Variants in CYRIB observed in about 807,000 individuals in gnomAD.
CYRIB encodes the protein CYFIP related Rac1 interactor B.
A neutral mutation model predicts 44.2 loss-of-function variants in CYRIB; 8 were observed. That is an observed-to-expected ratio of 0.18 (90% CI 0.11 to 0.33). The LOEUF is 0.33. Among genes scored for constraint, CYRIB ranks in the 10% least tolerant of loss-of-function variants. The probability of loss-of-function intolerance (pLI) is 1.00; values close to 1 mark genes in which losing one functional copy is unlikely to be tolerated. For missense variants in CYRIB, 185 were observed against 382.8 expected (o/e 0.48, Z 4.31); for synonymous variants, 131 against 127.2 (o/e 1.03, Z -0.20).
chr8:129,964,659 G>A (rs893020932), intron 2 of CYRIB, among the ~76,000 whole-genome samples: 1 of 152,134 alleles, frequency 6.6e-6, no homozygotes, highest in African/African-American at 2.4e-5. Context: ...CAAGTCAGGA[G>A]GATCACTTGA....
chr8:129,967,863 G>A (rs1288542447), intron 2 of CYRIB, among the ~76,000 whole-genome samples: 1 of 152,126 alleles, frequency 6.6e-6, no homozygotes, highest in Non-Finnish European at 1.5e-5. Context: ...TTCTAATACT[G>A]CCTCTCCCTT....
At chr8:129,905,816 T>G (rs2075034946) in intron 1 of CYRIB, among the ~76,000 whole-genome samples, 1 of 152,186 alleles carries the variant, frequency 6.6e-6, no homozygotes, top group Admixed American at 6.5e-5. Context: ...CACTTGTAAC[T>G]GTATTCACCC....
intron 1 of CYRIB, among the ~76,000 whole-genome samples, chr8:129,938,482 C>T (rs2093206538): frequency 1.3e-5 from 2 of 152,158 alleles, no homozygotes; most frequent in Non-Finnish European, 1.5e-5. Context: ...AAAAAGGTGG[C>T]AAACTCAATA....
chr8:129,848,653 G>T (rs2041629948), intron 10 of CYRIB, among the ~76,000 whole-genome samples: 1 of 152,038 alleles, frequency 6.6e-6, no homozygotes, highest in Non-Finnish European at 1.5e-5. Context: ...CTGCAGGCTG[G>T]AACTCCTGGG....
intron 7 of CYRIB, among the ~76,000 whole-genome samples, chr8:129,853,696 A>G (rs182972730): frequency 6.6e-6 from 1 of 152,344 alleles, no homozygotes; most frequent in East Asian, 1.9e-4. Flanking sequence ...GGAGGATGGT[A>G]AGAAGTTAAG....
At chr8:129,847,949 G>T (rs561654029) in intron 10 of CYRIB, among the ~76,000 whole-genome samples, 1 of 152,056 alleles carries the variant, frequency 6.6e-6, no homozygotes, top group Non-Finnish European at 1.5e-5. Flanking sequence ...CTACAGATGT[G>T]TGCCACCACA....
chr8:129,978,963 T>C (rs13273700), intron 1 of CYRIB, among the ~76,000 whole-genome samples: 75,999 of 151,740 alleles, frequency 0.5, 21,771 homozygotes, highest in African/African-American at 0.79. Context: ...TAGTGAAACC[T>C]CCATCTCGTA....
intron 1 of CYRIB, among the ~76,000 whole-genome samples, chr8:129,906,515 G>A (rs1202129349): frequency 1.6e-4 from 25 of 152,072 alleles, no homozygotes; most frequent in Non-Finnish European, 2.6e-4. Flanking sequence ...GAAAACCTAC[G>A]CAATACCATT....
chr8:129,983,261 C>T (rs939107170), intron 1 of CYRIB, among the ~76,000 whole-genome samples: 9 of 151,958 alleles, frequency 5.9e-5, no homozygotes, highest in Admixed American at 5.2e-4. Context: ...CTGGCTAACA[C>T]GGTGAAACCC....
intron 2 of CYRIB, among the ~76,000 whole-genome samples, chr8:129,952,096 A>G (rs2094533818): frequency 6.6e-6 from 1 of 152,248 alleles, no homozygotes; most frequent in African/African-American, 2.4e-5. Context: ...CCCAGGCTGA[A>G]GTGCAATGGT....
At chr8:129,937,010 A>G (rs1340076715) in intron 1 of CYRIB, among the ~76,000 whole-genome samples, 1 of 152,164 alleles carries the variant, frequency 6.6e-6, no homozygotes, top group Non-Finnish European at 1.5e-5. Flanking sequence ...CCCAGCCAGC[A>G]GTCTTAAAAA....
At chr8:129,908,859 G>A (rs1450682837) in intron 1 of CYRIB, among the ~76,000 whole-genome samples, 1 of 151,646 alleles carries the variant, frequency 6.6e-6, no homozygotes, top group Non-Finnish European at 1.5e-5. Flanking sequence ...CAAATACCAA[G>A]GCATATATGA....
chr8:129,843,842 T>C (rs1042882242), intron 11 of CYRIB: 7 of 152,248 alleles, frequency 4.6e-5, no homozygotes, highest in African/African-American at 1.4e-4. Flanking sequence ...TCTACAATGT[T>C]ACTGAGAAGT....
At chr8:129,859,095 C>T (rs1367458876) in intron 5 of CYRIB, among the ~76,000 whole-genome samples, 1 of 152,044 alleles carries the variant, frequency 6.6e-6, no homozygotes, top group Non-Finnish European at 1.5e-5. Flanking sequence ...TTATTGGATA[C>T]AAGACGAAGG....
chr8:129,889,912 T>C (rs957781377), intron 2 of CYRIB, among the ~76,000 whole-genome samples: 1 of 152,062 alleles, frequency 6.6e-6, no homozygotes, highest in African/African-American at 2.4e-5. Flanking sequence ...TAGCTGAGAC[T>C]ACAGGCACAA....
At chr8:129,880,812 A>T (rs1015828819) in intron 2 of CYRIB, among the ~76,000 whole-genome samples, 4 of 152,204 alleles carry the variant, frequency 2.6e-5, no homozygotes, top group Non-Finnish European at 4.4e-5. Flanking sequence ...CAAATAAGTA[A>T]CTATAGAAAC....
At chr8:130,007,715 C>T (rs947665786) in intron 1 of CYRIB, among the ~76,000 whole-genome samples, 14 of 151,950 alleles carry the variant, frequency 9.2e-5, no homozygotes, top group African/African-American at 2.2e-4. Context: ...ACCTGGGAGA[C>T]GGAGGTTGCG....
chr8:130,004,377 C>T (rs1490930638), intron 1 of CYRIB, among the ~76,000 whole-genome samples: 3 of 152,056 alleles, frequency 2.0e-5, no homozygotes, highest in African/African-American at 7.2e-5. Flanking sequence ...GTAGCTGGGA[C>T]GGCAGGCGTG....
chr8:129,979,857 G>A (rs1039024963), intron 1 of CYRIB, among the ~76,000 whole-genome samples: 5 of 151,870 alleles, frequency 3.3e-5, no homozygotes, highest in African/African-American at 1.2e-4. Context: ...GGAGGCGGAG[G>A]GTGCAATGAG....
Sources: gnomAD v4.1 joint callset for allele counts (sites outside exome capture counted in the v4.1 genomes callset) on GRCh38, gnomAD v4.1.1 for gene constraint, MANE v1.5 for transcripts, NCBI Gene and HGNC (gene_info 2026-07-23, HGNC 2026-07-21) for gene names.